Variants in PHF21B observed in about 807,000 individuals in gnomAD.
The protein encoded by PHF21B is PHD finger protein 4.
In PHF21B, 22 loss-of-function variants were observed where a neutral mutation model predicts 62.2. That is an observed-to-expected ratio of 0.35 (90% CI 0.25 to 0.51). The LOEUF is 0.51. Ranked by LOEUF, PHF21B falls within the 20% of genes least tolerant of loss-of-function variation. The pLI is 0.97. For missense variants in PHF21B, 701 were observed against 707.9 expected, an observed-to-expected ratio of 0.99 and a Z score of 0.11; for synonymous variants, 341 against 314.7, an observed-to-expected ratio of 1.08 and a Z score of -0.88.
intron 2 of PHF21B, among the ~76,000 whole-genome samples, chr22:44,932,330 C>T (rs560646056): frequency 4.6e-5 from 7 of 152,158 alleles, no homozygotes; most frequent in Non-Finnish European, 1.0e-4. Flanking sequence ...GGTACTTACT[C>T]GTCCCTGTGT....
chr22:44,882,911 C>T lies in PHF21B; in HGVS notation c.*175G>A. On this transcript the variant is annotated 3_prime_UTR_variant, in exon 13 of 13. Transcript: ENST00000313237. ...AATTTGGAGGGCACAGGGCCGCACC[C>T]CCACCTGGTCCTGGCTCTAGGCCTC... 1.3e-6 allele frequency: 1 copy of T among 768,900 alleles called. No individual in the cohort carries two copies. Among genetic ancestry groups the T allele is most frequent in the Admixed American group, 3.0e-5 (1 of 32,912 alleles). 47.6% of individuals were successfully genotyped at this position (768,900 alleles called of 1,614,324 possible).
At chr22:44,886,077 C>T (rs1181353748) in intron 10 of PHF21B, 139 bp from the exon 11 acceptor site, 24 of 699,714 alleles carry the variant, frequency 3.4e-5, no homozygotes, top group East Asian at 2.6e-4. Flanking sequence ...GAGCTGGGGC[C>T]GCACATGCCT....
At chr22:44,911,753 G>A (rs553998972) in intron 5 of PHF21B, among the ~76,000 whole-genome samples, 1 of 152,240 alleles carries the variant, frequency 6.6e-6, no homozygotes, top group Non-Finnish European at 1.5e-5. Context: ...AGGGAAATGT[G>A]CAGTTGGAGC....
At chr22:44,934,958 T>A (rs902057374) in intron 2 of PHF21B, among the ~76,000 whole-genome samples, 1 of 152,086 alleles carries the variant, frequency 6.6e-6, no homozygotes, top group East Asian at 1.9e-4. Flanking sequence ...AGAGAAGACA[T>A]GTGGCGCTAG....
chr22:44,926,410 C>A (rs552427655), intron 2 of PHF21B, among the ~76,000 whole-genome samples: 1 of 152,226 alleles, frequency 6.6e-6, no homozygotes, highest in Admixed American at 6.5e-5. Flanking sequence ...AGAACAGGCA[C>A]GAACCTGTTT....
chr22:44,983,457 C>T (rs1439851523), intron 2 of PHF21B, among the ~76,000 whole-genome samples: 1 of 152,102 alleles, frequency 6.6e-6, no homozygotes, highest in Non-Finnish European at 1.5e-5. Context: ...CCACTAGTGG[C>T]AAAGGCCCTG....
chr22:44,940,861 C>G (rs933238401), intron 2 of PHF21B, among the ~76,000 whole-genome samples: 5 of 152,162 alleles, frequency 3.3e-5, no homozygotes, highest in Non-Finnish European at 7.4e-5. Context: ...GCCAACACCC[C>G]CTTCTTCATG....
chr22:44,896,065 C>T lies in PHF21B; in HGVS notation c.850G>A (p.Ala284Thr). The change falls in exon 6 of 13, where the codon GCG becomes ACG. Residue 284 changes from alanine (A) to threonine (T), a missense_variant. Physicochemically the swap from Ala to Thr is moderately conservative, Grantham distance 58 (BLOSUM62 0). Coordinates refer to ENST00000313237, the MANE Select transcript of PHF21B (RefSeq NM_138415.5). The part of the protein sequence containing the change: ...ENPEKIAFMV[A>T]LGLVTTEHLE... ...TGTTCCGTGGTAACCAGGCCTAGCG[C>T]TACCATGAAGGCGATTTTCTGAGGG... The T allele has an allele frequency of 6.2e-7, 1 of 1,614,172 alleles. No individual in the cohort carries two copies. Among genetic ancestry groups the T allele is most frequent in the Non-Finnish European group, 8.5e-7 (1 of 1,180,026 alleles).
At chr22:44,907,037 A>G (rs929765943) in intron 5 of PHF21B, among the ~76,000 whole-genome samples, 1 of 152,182 alleles carries the variant, frequency 6.6e-6, no homozygotes, top group African/African-American at 2.4e-5. Context: ...GTAGGTACAT[A>G]CATGTCACGC....
chr22:44,926,351 A>G (rs1209413795), intron 2 of PHF21B, among the ~76,000 whole-genome samples: 1 of 152,146 alleles, frequency 6.6e-6, no homozygotes, highest in African/African-American at 2.4e-5. Flanking sequence ...CCCGGGGAGG[A>G]GAAATTTCCA....
At chr22:44,929,125 G>A (rs2071691252) in intron 2 of PHF21B, among the ~76,000 whole-genome samples, 1 of 152,242 alleles carries the variant, frequency 6.6e-6, no homozygotes, top group Non-Finnish European at 1.5e-5. Flanking sequence ...GAGAACTGCT[G>A]TGATGTGTGG....
chr22:45,006,280 G>A (rs2073312429), intron 2 of PHF21B, among the ~76,000 whole-genome samples: 2 of 152,132 alleles, frequency 1.3e-5, no homozygotes, highest in Non-Finnish European at 2.9e-5. Flanking sequence ...CCAAATCCTG[G>A]CTGCTTACCC....
chr22:44,982,580 C>T (rs2072863146), intron 2 of PHF21B, among the ~76,000 whole-genome samples: 1 of 152,240 alleles, frequency 6.6e-6, no homozygotes, highest in Non-Finnish European at 1.5e-5. Context: ...GGGCTCACAT[C>T]TCGCAGCCAC....
Position 44,893,632 on chromosome 22 carries a change from C to T in PHF21B, c.884-99G>A, listed in dbSNP as rs900638618. ...CTGGGCACCACCATCCCCTCCTGCT[C>T]TGAAGCCTCTCTGTGTGCTCAGCAT... On this transcript the variant is annotated intron_variant, in intron 6 of 12. Transcript: ENST00000313237. 4.3e-6 allele frequency: 5 copies of T among 1,172,964 alleles called. No individual in the cohort carries two copies. The African/African-American group carries it at 7.6e-5, about 18-fold the overall frequency. 72.7% of individuals were successfully genotyped at this position (1,172,964 alleles called of 1,614,324 possible).
chr22:44,968,145 C>G (rs5766243), intron 2 of PHF21B, among the ~76,000 whole-genome samples: 70,356 of 151,908 alleles, frequency 0.46, 17,666 homozygotes, highest in East Asian at 0.73. Context: ...CCACTGCGCC[C>G]AGCTCACCCT....
intron 2 of PHF21B, among the ~76,000 whole-genome samples, chr22:45,002,517 C>T (rs940039793): frequency 6.6e-6 from 1 of 152,210 alleles, no homozygotes; most frequent in African/African-American, 2.4e-5. Context: ...ACTGGTCACC[C>T]AGGGCTCTGG....
chr22:45,000,781 C>T (rs1177611188), intron 2 of PHF21B: 1 of 152,100 alleles, frequency 6.6e-6, no homozygotes, highest in East Asian at 1.9e-4. Flanking sequence ...CGGGGACAAG[C>T]AACAAGACAA....
At chr22:44,950,947 T>G (rs1170103486) in intron 2 of PHF21B, among the ~76,000 whole-genome samples, 2 of 152,020 alleles carry the variant, frequency 1.3e-5, no homozygotes, top group African/African-American at 4.8e-5. Flanking sequence ...GAAAGAGGCA[T>G]GGACAGAAGT....
At chr22:44,917,590 T>C (rs1363439077) in intron 3 of PHF21B, among the ~76,000 whole-genome samples, 1 of 152,210 alleles carries the variant, frequency 6.6e-6, no homozygotes, top group Non-Finnish European at 1.5e-5. Flanking sequence ...GCGCTCGCAC[T>C]GCAGGGTGGC....
Sources: allele counts gnomAD v4.1 joint callset (sites outside exome capture counted in the v4.1 genomes callset), GRCh38; gene constraint gnomAD v4.1.1; transcripts MANE v1.5; gene names NCBI Gene and HGNC (gene_info 2026-07-23, HGNC 2026-07-21).